CNOT7: variants seen among roughly 807,000 people sequenced by gnomAD.
CNOT7 encodes the protein CCR4-NOT transcription complex subunit 7, also known as BTG1-binding factor 1.
CNOT7 carries 4 observed loss-of-function variants against 37.1 expected under a neutral mutation model. The observed-to-expected ratio is 0.11, with a 90% CI of 0.05 to 0.25. The LOEUF (loss-of-function observed/expected upper bound fraction) is 0.25, where lower values mean the gene tolerates loss of function less well. Ranked by LOEUF, CNOT7 falls within the 10% of genes least tolerant of loss-of-function variation. The probability of loss-of-function intolerance (pLI) is 1.00; values close to 1 mark genes in which losing one functional copy is unlikely to be tolerated. For synonymous variants in CNOT7, 128 were observed against 115.6 expected, an observed-to-expected ratio of 1.11 and a Z score of -0.69; for missense variants, 170 against 336.2, an observed-to-expected ratio of 0.51 and a Z score of 3.87.
chr8:17,234,930 T>C lies in CNOT7; in HGVS notation c.474-70A>G. 3.5e-6 allele frequency: 5 copies of C among 1,418,280 alleles called. No individual in the cohort carries two copies. In the South Asian group the frequency reaches 6.9e-5, roughly 20 times the overall value. The allele number at this position is 1,418,280 out of a possible 1,614,324, so 87.9% of individuals were successfully genotyped here. On this transcript the variant is annotated intron_variant, in intron 4 of 6. Coordinates refer to ENST00000361272, the MANE Select transcript of CNOT7 (RefSeq NM_013354.7). The stretch of plus-strand genomic sequence containing the variant: ...TATAAAGATTAAAAAAAAAAGTTTT[T>C]CTGATTCAAATTTAAGCAAGTCACA...
intron 3 of CNOT7, among the ~76,000 whole-genome samples, chr8:17,240,151 CTCTA>C (rs1416675385): frequency 6.6e-6 from 1 of 152,200 alleles, no homozygotes; most frequent in African/African-American, 2.4e-5. Flanking sequence ...ACGGTGCTCT[CTCTA>C]TATTAGGCAT....
Position 17,237,256 on chromosome 8 carries a change from A to G in CNOT7, c.429T>C (p.Ser143=). The G allele has an allele frequency of 1.9e-6, 3 of 1,614,152 alleles. No individual in the cohort carries two copies. The highest frequency in any genetic ancestry group is 2.5e-6 in the Non-Finnish European group (3 of 1,179,986). Residue 143 remains serine, a synonymous_variant, in exon 4 of 7, where the codon TCT becomes TCC. Transcript: ENST00000361272. The part of the protein sequence containing the change: ...TQYFAELLMT[S]GVVLCEGVKW... ...TGACCCCTTCACAGAGGACCACTCC[A>G]GAAGTCATAAGAAGTTCTGCAAAGT...
chr8:17,244,234 C>T (rs1810577977), intron 2 of CNOT7: 1 of 153,042 alleles, frequency 6.5e-6, no homozygotes, highest in Non-Finnish European at 1.5e-5. Context: ...AAATCATTAA[C>T]TGGATAGACA....
chr8:17,236,309 A>G (rs1389446424), intron 4 of CNOT7, among the ~76,000 whole-genome samples: 1 of 152,220 alleles, frequency 6.6e-6, no homozygotes, highest in East Asian at 1.9e-4. Context: ...ATTAACATCT[A>G]TGTAACACAA....
chr8:17,240,447 CA>C (rs1330169019), intron 3 of CNOT7, among the ~76,000 whole-genome samples: 2 of 151,894 alleles, frequency 1.3e-5, no homozygotes, highest in African/African-American at 4.8e-5. Context: ...CCAGGGAAAC[CA>C]AAAGATTAGA....
chr8:17,235,081 G>T (rs898028399), intron 4 of CNOT7, among the ~76,000 whole-genome samples: 7 of 152,190 alleles, frequency 4.6e-5, no homozygotes, highest in South Asian at 4.1e-4. Context: ...ATTATTCAGA[G>T]ATATCAACAC....
rs1585768608 is a variant in CNOT7, at chr8:17,229,895, T to C, written c.*825A>G. 1.3e-5 allele frequency: 2 copies of C among 150,474 alleles called. No individual in the cohort carries two copies. Among genetic ancestry groups the C allele is most frequent in the South Asian group, 4.2e-4 (2 of 4,782 alleles). 9.3% of individuals were successfully genotyped at this position (150,474 alleles called of 1,614,324 possible). A position where few individuals can be genotyped will look rare whatever the true frequency, so the allele number is the denominator to read the frequency against. ...ATAAAAATAAGCAGATCAAGGGAAG[T>C]GTGCTATCATAAAATAACTGTAGCT... On this transcript the variant is annotated 3_prime_UTR_variant, in exon 7 of 7. Transcript: ENST00000361272.
chr8:17,226,879 G>A lies in CNOT7; in HGVS notation c.*3841C>T, dbSNP rs1004755889. ...TCAGTGTTAAAAAACAGTGGTTGAG[G>A]ATGGTTTTTCTCATTCAGAAAAATT... On this transcript the variant is annotated 3_prime_UTR_variant, in exon 7 of 7. Transcript: ENST00000361272. 1 of 151,690 alleles carries A rather than the reference G, an allele frequency of 6.6e-6. No homozygotes were observed. The highest frequency in any genetic ancestry group is 2.4e-5 in the African/African-American group (1 of 41,386). The allele number at this position is 151,690 out of a possible 1,614,324, so 9.4% of individuals were successfully genotyped here.
At chr8:17,245,643 T>C (rs981400555) in intron 1 of CNOT7, among the ~76,000 whole-genome samples, 1 of 152,228 alleles carries the variant, frequency 6.6e-6, no homozygotes, top group African/African-American at 2.4e-5. Context: ...TGGTGTTTAT[T>C]TTTATTCCTC....
At chr8:17,233,142 G>A (rs1428052011) in intron 5 of CNOT7, among the ~76,000 whole-genome samples, 1 of 151,896 alleles carries the variant, frequency 6.6e-6, no homozygotes, top group Non-Finnish European at 1.5e-5. Context: ...AGAGTGGAAA[G>A]AAAGAAAGAG....
chr8:17,243,591 T>C (rs1354749361), intron 2 of CNOT7: 2 of 458,700 alleles, frequency 4.4e-6, no homozygotes, highest in Non-Finnish European at 8.7e-6. Flanking sequence ...CAATTGCTTC[T>C]CTGACACAAG....
intron 1 of CNOT7, chr8:17,245,804 C>A (rs552338643): frequency 6.6e-6 from 1 of 152,024 alleles, no homozygotes; most frequent in Admixed American, 6.5e-5. Flanking sequence ...AGTTGCAGAA[C>A]GGAAAAAGAA....
intron 2 of CNOT7, chr8:17,243,550 T>C (rs1329174861): frequency 2.1e-6 from 1 of 468,108 alleles, no homozygotes. Flanking sequence ...GAAGAACTGG[T>C]TCAAAAGAGG....
At position 17,243,191 on chromosome 8, in the gene CNOT7, A is replaced by G; in HGVS notation, c.118-6T>C. 1 of 1,579,666 alleles carries G rather than the reference A, an allele frequency of 6.3e-7. No individual in the cohort carries two copies. The highest frequency in any genetic ancestry group is 8.6e-7 in the Non-Finnish European group (1 of 1,169,174). On this transcript the variant is annotated splice_polypyrimidine_tract_variant and splice_region_variant and intron_variant, in intron 2 of 6. Coordinates refer to ENST00000361272, the MANE Select transcript of CNOT7 (RefSeq NM_013354.7). ...ACACCTGGAAACTCGGTGTCCTGTA[A>G]AATAGTTTTAAGATTCATTATGTAC...
At position 17,227,472 on chromosome 8, in the gene CNOT7, A is replaced by C. The variant is rs950285963; in HGVS notation, c.*3248T>G. On this transcript the variant is annotated 3_prime_UTR_variant, in exon 7 of 7. Coordinates refer to ENST00000361272, the MANE Select transcript of CNOT7 (RefSeq NM_013354.7). The stretch of plus-strand genomic sequence containing the variant: ...GTTCTCATCAAAGGGCTGATGTCTT[A>C]ATTTTCTCTGGACACATGTCTTTGG... 6 of 151,820 alleles carry C rather than the reference A, an allele frequency of 4.0e-5. No individual in the cohort carries two copies. Among genetic ancestry groups the C allele is most frequent in the Non-Finnish European group, 8.9e-5 (6 of 67,794 alleles). 9.4% of individuals were successfully genotyped at this position (151,820 alleles called of 1,614,324 possible).
At chr8:17,232,334 G>T in intron 6 of CNOT7, 93 bp downstream of exon 6, 2 of 1,601,774 alleles carry the variant, frequency 1.2e-6, no homozygotes, top group South Asian at 1.1e-5. Flanking sequence ...TCTTTACTTA[G>T]TAGGTACTTG....
At chr8:17,245,497 T>C (rs1046623712) in intron 1 of CNOT7, among the ~76,000 whole-genome samples, 3 of 152,240 alleles carry the variant, frequency 2.0e-5, no homozygotes, top group Non-Finnish European at 4.4e-5. Flanking sequence ...ACTAATCATA[T>C]TTTATAACTT....
At chr8:17,243,417 G>C in intron 2 of CNOT7, 1 of 639,164 alleles carries the variant, frequency 1.6e-6, no homozygotes, top group Non-Finnish European at 2.9e-6. Context: ...CGAGATACAT[G>C]TGATAAATTT....
At position 17,234,679 on chromosome 8, in the gene CNOT7, A is replaced by C. The variant is rs1240776796; in HGVS notation, c.618+37T>G. On this transcript the variant is annotated intron_variant, in intron 5 of 6. Transcript: ENST00000361272. ...CGCATGACAGTCACTTGGTCTGAAC[A>C]GTGTGCTGCTGTAGATAATGCCATC... 2.5e-6 allele frequency: 4 copies of C among 1,610,186 alleles called. No individual in the cohort carries two copies. The South Asian group carries it at 4.4e-5, about 18-fold the overall frequency.
Sources: allele counts gnomAD v4.1 joint callset (sites outside exome capture counted in the v4.1 genomes callset), GRCh38; gene constraint gnomAD v4.1.1; transcripts MANE v1.5; gene names NCBI Gene and HGNC (gene_info 2026-07-23, HGNC 2026-07-21).